ZBTB38: variants seen among roughly 807,000 people sequenced by gnomAD.
ZBTB38 encodes the protein zinc finger and BTB domain-containing protein 38.
Under a neutral mutation model 76.8 loss-of-function variants are expected in ZBTB38, and 20 were observed. That is an observed-to-expected ratio of 0.26 (90% confidence interval 0.18 to 0.38). ZBTB38 has a LOEUF of 0.38. ZBTB38 is among the 10% of genes least tolerant of loss of function. ZBTB38 has a pLI of 1.00. For synonymous variants in ZBTB38, 504 were observed against 544.2 expected, an observed-to-expected ratio of 0.93 and a Z score of 1.03; for missense variants, 1,082 against 1,482.3, an observed-to-expected ratio of 0.73 and a Z score of 4.43.
intron 5 of ZBTB38, among the ~76,000 whole-genome samples, chr3:141,423,712 G>A (rs181848132): frequency 6.6e-6 from 1 of 152,200 alleles, no homozygotes; most frequent in East Asian, 1.9e-4. Flanking sequence ...CTAAAATAAA[G>A]CACAATAAAC....
intron 5 of ZBTB38, among the ~76,000 whole-genome samples, chr3:141,422,917 GT>G (rs570930892): frequency 2.6e-5 from 4 of 152,030 alleles, no homozygotes; most frequent in Non-Finnish European, 2.9e-5. Context: ...CAAAAAATAG[GT>G]TTTTTTCACT....
intron 2 of ZBTB38, among the ~76,000 whole-genome samples, chr3:141,380,543 T>C (rs1946057291): frequency 6.6e-6 from 1 of 152,164 alleles, no homozygotes. Flanking sequence ...CTGGTAGTGG[T>C]AGAGAAAGGA....
intron 4 of ZBTB38, chr3:141,394,087 T>A (rs1256296152): frequency 6.6e-6 from 1 of 151,966 alleles, no homozygotes; most frequent in East Asian, 1.9e-4. Flanking sequence ...CTCAGGTCAC[T>A]GCAACCTCCG....
intron 1 of ZBTB38, among the ~76,000 whole-genome samples, chr3:141,347,268 G>A (rs1278895847): frequency 1.3e-5 from 2 of 152,190 alleles, no homozygotes; most frequent in African/African-American, 2.4e-5. Context: ...GTGGGGTGAT[G>A]TGCTTCTTGG....
At chr3:141,424,887 A>G (rs543939931) in intron 5 of ZBTB38, among the ~76,000 whole-genome samples, 14 of 152,364 alleles carry the variant, frequency 9.2e-5, no homozygotes, top group African/African-American at 3.4e-4. Flanking sequence ...TTTGACTAAT[A>G]ATTAATTGGT....
chr3:141,352,827 C>T (rs77421158), intron 1 of ZBTB38, among the ~76,000 whole-genome samples: 4,019 of 152,008 alleles, frequency 0.026, 207 homozygotes, highest in African/African-American at 0.091. Flanking sequence ...CTGATCACAG[C>T]GAACTCACAG....
chr3:141,406,253 TG>T (rs1245583586), intron 5 of ZBTB38, among the ~76,000 whole-genome samples: 2 of 151,956 alleles, frequency 1.3e-5, no homozygotes, highest in South Asian at 2.1e-4. Context: ...GTGAGTAGCT[TG>T]GGGGGAGATC....
intron 1 of ZBTB38, among the ~76,000 whole-genome samples, chr3:141,362,659 G>A (rs879575328): frequency 2.0e-5 from 3 of 150,434 alleles, no homozygotes; most frequent in South Asian, 2.1e-4. Flanking sequence ...TGGACAGAGC[G>A]GAAGGACCAG....
intron 1 of ZBTB38, among the ~76,000 whole-genome samples, chr3:141,363,295 G>A (rs1003826610): frequency 6.6e-6 from 1 of 152,238 alleles, no homozygotes; most frequent in Admixed American, 6.5e-5. Flanking sequence ...TCAGATGACT[G>A]AATATTGCTA....
intron 1 of ZBTB38, among the ~76,000 whole-genome samples, chr3:141,350,999 CTTTA>C (rs1488471205): frequency 6.6e-6 from 1 of 152,150 alleles, no homozygotes; most frequent in African/African-American, 2.4e-5. Flanking sequence ...TTCACCATTG[CTTTA>C]TTTATTTTTT....
At chr3:141,428,632 C>T (rs1459784261) in intron 5 of ZBTB38, among the ~76,000 whole-genome samples, 4 of 152,112 alleles carry the variant, frequency 2.6e-5, no homozygotes, top group Non-Finnish European at 5.9e-5. Flanking sequence ...GGATTACAGG[C>T]GCCTGCTAAT....
chr3:141,326,239 T>C (rs1942671774), intron 1 of ZBTB38, among the ~76,000 whole-genome samples: 1 of 152,230 alleles, frequency 6.6e-6, no homozygotes, highest in African/African-American at 2.4e-5. Context: ...GTAAATCATA[T>C]GCTCAGATTA....
At chr3:141,412,262 C>T (rs1405978828) in intron 5 of ZBTB38, among the ~76,000 whole-genome samples, 2 of 152,106 alleles carry the variant, frequency 1.3e-5, no homozygotes, top group Non-Finnish European at 2.9e-5. Flanking sequence ...TATCTCTAGA[C>T]GATTACCCTT....
intron 1 of ZBTB38, among the ~76,000 whole-genome samples, chr3:141,326,575 T>TA (rs1290537402): frequency 6.6e-6 from 1 of 152,238 alleles, no homozygotes; most frequent in African/African-American, 2.4e-5. Flanking sequence ...TTATTCTTGT[T>TA]AGAGTTTCAG....
In ZBTB38 at chr3:141,442,932, C is replaced by G; in HGVS notation, c.544C>G (p.Pro182Ala). The change falls in exon 6 of 6, where the codon CCG becomes GCG. Residue 182 changes from proline to alanine, a missense_variant. Transcript: ENST00000321464. This position sits in a 1 kb window ranked among gnomAD's most constrained non-coding sequence, Gnocchi z 6.4. ...ETENSNNMFS[P>A]LDLRASFKKV... Reference sequence around the variant, plus strand: ...AGAAAATAGTAATAACATGTTTTCCCCGCTGGACTTGAGGGCAAGTTTCAA... The same window carrying G: ...AGAAAATAGTAATAACATGTTTTCCGCGCTGGACTTGAGGGCAAGTTTCAA... The G allele has an allele frequency of 6.2e-7, 1 of 1,614,186 alleles. No individual in the cohort carries two copies. Among genetic ancestry groups the G allele is most frequent in the Non-Finnish European group, 8.5e-7 (1 of 1,180,040 alleles).
At chr3:141,353,786 G>A (rs986927491) in intron 1 of ZBTB38, among the ~76,000 whole-genome samples, 3 of 152,152 alleles carry the variant, frequency 2.0e-5, no homozygotes. Context: ...GCTCCTAGCT[G>A]TCTGATGACA....
chr3:141,374,848 T>C (rs937461146), intron 2 of ZBTB38, among the ~76,000 whole-genome samples: 1 of 152,200 alleles, frequency 6.6e-6, no homozygotes, highest in Admixed American at 6.5e-5. Flanking sequence ...TTAAAGTTTC[T>C]AATGCATATT....
At chr3:141,333,814 C>G (rs149775921) in intron 1 of ZBTB38, among the ~76,000 whole-genome samples, 276 of 152,294 alleles carry the variant, frequency 1.8e-3, no homozygotes, top group African/African-American at 6.4e-3. Flanking sequence ...AGCCAGCTTC[C>G]ACCAATGATT....
intron 5 of ZBTB38, among the ~76,000 whole-genome samples, chr3:141,431,292 C>T (rs1211386280): frequency 7.3e-6 from 1 of 136,496 alleles, no homozygotes; most frequent in Non-Finnish European, 1.5e-5. Context: ...CATTGCACTC[C>T]AGCCTGGGGG....
Sources: gnomAD v4.1 joint callset for allele counts (sites outside exome capture counted in the v4.1 genomes callset) on GRCh38, gnomAD v4.1.1 for gene constraint, Gnocchi (gnomAD v3.1) non-coding constraint, MANE v1.5 for transcripts, NCBI Gene and HGNC (gene_info 2026-07-23, HGNC 2026-07-21) for gene names.